The following RBM20 variants were observed in gnomAD, a reference collection of about 807,000 sequenced individuals.
RBM20 encodes RNA binding motif protein 20.
Under a neutral mutation model 110.1 loss-of-function variants are expected in RBM20, and 51 were observed. The ratio of observed to expected loss-of-function variants is 0.46; its 90% CI spans 0.37 to 0.59. RBM20 has a LOEUF of 0.59. Ranked by LOEUF, RBM20 falls within the 20% of genes least tolerant of loss-of-function variation. RBM20 has a pLI of 0.00. For missense variants in RBM20, 1,512 were observed against 1,574.9 expected (o/e 0.96, Z 0.68); for synonymous variants, 589 against 618.2 (o/e 0.95, Z 0.70).
At chr10:110,669,329 G>T (rs774949598) in intron 1 of RBM20, among the ~76,000 whole-genome samples, 1 of 151,982 alleles carries the variant, frequency 6.6e-6, no homozygotes, top group Non-Finnish European at 1.5e-5. Flanking sequence ...GTCTTTTGGG[G>T]AATAGGAATG....
rs1039732886 is a variant in RBM20 at position 110,644,628 on chromosome 10, A to G, written c.174A>G (p.Leu58=). The change falls in exon 1 of 14, where the codon CTA becomes CTG. Residue 58 remains leucine, a synonymous_variant. Transcript: ENST00000369519. The surrounding 1 kb of genome is among the most constrained non-coding windows in gnomAD (Gnocchi z 4.3). ...CACCGCCCCCGCCCCAAGCCGGCCT[A>G]CCCCAGATCATCCAAAAGTAAGAAG... The part of the protein sequence containing the change: ...PQPPPPPQAG[L]PQIIQNAAKL... 12 of 1,509,224 alleles carry G rather than the reference A, an allele frequency of 8.0e-6. No homozygotes were observed. The highest frequency in any genetic ancestry group is 8.8e-6 in the Non-Finnish European group (10 of 1,133,094). The allele number at this position is 1,509,224 out of a possible 1,614,324, so 93.5% of individuals were successfully genotyped here.
intron 1 of RBM20, among the ~76,000 whole-genome samples, chr10:110,745,008 G>T (rs1843762787): frequency 6.6e-6 from 1 of 152,182 alleles, no homozygotes; most frequent in Non-Finnish European, 1.5e-5. Flanking sequence ...CTTCCTCCCT[G>T]GGGGTGCTGG....
intron 1 of RBM20, among the ~76,000 whole-genome samples, chr10:110,719,104 T>C (rs969800307): frequency 6.6e-6 from 1 of 152,264 alleles, no homozygotes; most frequent in Non-Finnish European, 1.5e-5. Flanking sequence ...ATAGAATGGC[T>C]GAGTTGCAGA....
chr10:110,685,671 A>G (rs1187780460), intron 1 of RBM20, among the ~76,000 whole-genome samples: 3 of 150,244 alleles, frequency 2.0e-5, no homozygotes, highest in African/African-American at 7.3e-5. Context: ...TGGTATAGGT[A>G]TTTTTAATGC....
At chr10:110,676,758 T>A (rs1399268767) in intron 1 of RBM20, among the ~76,000 whole-genome samples, 3 of 151,430 alleles carry the variant, frequency 2.0e-5, no homozygotes, top group Non-Finnish European at 4.4e-5. Context: ...GTTGATATAA[T>A]CCAACTTGGC....
At chr10:110,645,025 G>T (rs574462886) in intron 1 of RBM20, among the ~76,000 whole-genome samples, 17 of 152,222 alleles carry the variant, frequency 1.1e-4, no homozygotes, top group African/African-American at 2.9e-4. Flanking sequence ...GCGCGTGAGG[G>T]TGTGTAAGTA....
chr10:110,812,694 C>A lies in RBM20; in HGVS notation c.2297C>A (p.Ala766Asp). The A allele has an allele frequency of 6.4e-7, 1 of 1,551,722 alleles. No homozygotes were observed. The highest frequency in any genetic ancestry group is 1.2e-5 in the South Asian group (1 of 84,058). The change falls in exon 9 of 14, where the codon GCC becomes GAC. Residue 766 changes from alanine (A) to aspartate (D), a missense_variant. By Grantham distance (126) the Ala-to-Asp change is moderately radical. Coordinates refer to ENST00000369519, the MANE Select transcript of RBM20 (RefSeq NM_001134363.3). ...EDGYYRKEPK[A>D]KSDKYLKQQQ... ...GGCTACTACCGGAAAGAGCCCAAAGCCAAGTCGGACAAGTATCTGAAGCAG... is the reference window on the plus strand; with the variant it reads ...GGCTACTACCGGAAAGAGCCCAAAGACAAGTCGGACAAGTATCTGAAGCAG...
Position 110,764,081 on chromosome 10 carries a change from T to C in RBM20, c.192-16720T>C, listed in dbSNP as rs193045486. On this transcript the variant is annotated intron_variant, in intron 1 of 13. Transcript: ENST00000369519. ...GAAAGGTATTGCAGTTACCACTGGG[T>C]AGGTGAAATGATGGGTCATCTCCGT... Among the ~76,000 whole-genome samples, 32 of 152,172 alleles carry C rather than the reference T, an allele frequency of 2.1e-4. No homozygotes were observed. In the East Asian group the frequency reaches 4.8e-3, roughly 23 times the overall value.
chr10:110,672,295 C>G (rs1395271641), intron 1 of RBM20, among the ~76,000 whole-genome samples: 3 of 152,186 alleles, frequency 2.0e-5, no homozygotes, highest in African/African-American at 7.2e-5. Context: ...TTTATGGCTC[C>G]CTCGGCTTTC....
intron 1 of RBM20, among the ~76,000 whole-genome samples, chr10:110,671,877 A>G (rs1174130408): frequency 6.6e-6 from 1 of 152,136 alleles, no homozygotes; most frequent in Admixed American, 6.5e-5. Flanking sequence ...GATTATTGAT[A>G]TTATGTAGGA....
intron 1 of RBM20, among the ~76,000 whole-genome samples, chr10:110,764,722 T>C (rs1844056490): frequency 6.6e-6 from 1 of 152,132 alleles, no homozygotes; most frequent in African/African-American, 2.4e-5. Context: ...AGAATGTCAT[T>C]GGAATTTTCT....
At chr10:110,740,394 C>G (rs190641637) in intron 1 of RBM20, among the ~76,000 whole-genome samples, 44 of 152,132 alleles carry the variant, frequency 2.9e-4, no homozygotes, top group African/African-American at 7.7e-4. Context: ...AGAAGTGGCC[C>G]CTGGGGTAGT....
chr10:110,742,964 G>A (rs1308840948), intron 1 of RBM20, among the ~76,000 whole-genome samples: 1 of 152,162 alleles, frequency 6.6e-6, no homozygotes, highest in Non-Finnish European at 1.5e-5. Context: ...TGTGTTCCCC[G>A]GAAGGCGGCC....
chr10:110,664,482 C>T (rs1286069661), intron 1 of RBM20, among the ~76,000 whole-genome samples: 2 of 152,186 alleles, frequency 1.3e-5, no homozygotes, highest in Non-Finnish European at 2.9e-5. Context: ...CTTGGTGGCT[C>T]ATGCCTGTAA....
At chr10:110,770,140 C>T (rs1026882444) in intron 1 of RBM20, among the ~76,000 whole-genome samples, 9 of 152,192 alleles carry the variant, frequency 5.9e-5, no homozygotes, top group African/African-American at 2.2e-4. Context: ...ACGCTCCACC[C>T]CCAGATCTTC....
intron 3 of RBM20, among the ~76,000 whole-genome samples, chr10:110,783,714 T>A (rs922732018): frequency 2.0e-5 from 3 of 152,236 alleles, no homozygotes; most frequent in Non-Finnish European, 4.4e-5. Context: ...CTGGCTTTCA[T>A]TTTTTTCATT....
chr10:110,806,182 C>T (rs1297940229), intron 7 of RBM20, among the ~76,000 whole-genome samples: 2 of 151,558 alleles, frequency 1.3e-5, no homozygotes, highest in Non-Finnish European at 2.9e-5. Flanking sequence ...GCAGGAGAAT[C>T]GCTTGAACCC....
At chr10:110,826,963 T>A (rs1844989627) in intron 12 of RBM20, among the ~76,000 whole-genome samples, 1 of 152,210 alleles carries the variant, frequency 6.6e-6, no homozygotes, top group African/African-American at 2.4e-5. Flanking sequence ...GTTTATTTAT[T>A]CATCTGTTGA....
chr10:110,648,077 T>C (rs1861894619), intron 1 of RBM20, among the ~76,000 whole-genome samples: 1 of 152,212 alleles, frequency 6.6e-6, no homozygotes, highest in Admixed American at 6.5e-5. Context: ...TGAGTATAGA[T>C]GACACTTTTT....
Sources: allele counts gnomAD v4.1 joint callset (sites outside exome capture counted in the v4.1 genomes callset), GRCh38; gene constraint gnomAD v4.1.1; non-coding constraint Gnocchi (gnomAD v3.1); transcripts MANE v1.5; gene names NCBI Gene and HGNC (gene_info 2026-07-23, HGNC 2026-07-21).